LRRC14B: variants seen among roughly 807,000 people sequenced by gnomAD.
The protein encoded by LRRC14B is leucine rich repeat containing 14B, also known as leucine-rich repeat-containing protein 14B.
LRRC14B carries 23 observed loss-of-function variants against 16.9 expected under a neutral mutation model. The ratio of observed to expected loss-of-function variants is 1.36; its 90% CI spans 0.98 to 1.92. The LOEUF is 1.92. Among genes scored for constraint, LRRC14B ranks in the 30% most tolerant of loss-of-function variants. The pLI, the probability that LRRC14B is intolerant of heterozygous loss-of-function variation, is 0.00. For missense variants in LRRC14B, 766 were observed against 705.7 expected (o/e 1.09, Z -0.97); for synonymous variants, 358 against 332.5 (o/e 1.08, Z -0.83).
chr5:193,131 G>A (rs1315583348), intron 1 of LRRC14B, among the ~76,000 whole-genome samples: 1 of 151,740 alleles, frequency 6.6e-6, no homozygotes, highest in Non-Finnish European at 1.5e-5. Flanking sequence ...CTAGCGGTGG[G>A]TCCAAGGGGG....
chr5:192,649 A>T (rs932027785), intron 1 of LRRC14B, among the ~76,000 whole-genome samples: 1 of 152,210 alleles, frequency 6.6e-6, no homozygotes, highest in African/African-American at 2.4e-5. Flanking sequence ...GCCATGTGTG[A>T]CTTAGGGATG....
Position 195,117 on chromosome 5 carries a change from C to T in LRRC14B, c.1309C>T (p.Pro437Ser). Residue 437 changes from proline (P) to serine (S), a missense_variant, in exon 2 of 2, where the codon CCA (proline) becomes TCA (serine). By Grantham distance (74) the Pro-to-Ser change is moderately conservative. Transcript: ENST00000328278. Reference protein sequence around the residue: ...KDCYPEGAAYPQDELAMSKFN... With the variant: ...KDCYPEGAAYSQDELAMSKFN... ...CTGCTACCCCGAGGGTGCCGCCTACCCACAGGACGAGCTGGCCATGTCCAA... is the reference window on the plus strand; with the variant it reads ...CTGCTACCCCGAGGGTGCCGCCTACTCACAGGACGAGCTGGCCATGTCCAA... The T allele has an allele frequency of 6.2e-7, 1 of 1,613,978 alleles. No individual in the cohort carries two copies. Among genetic ancestry groups the T allele is most frequent in the South Asian group, 1.1e-5 (1 of 91,086 alleles).
chr5:192,564 C>T (rs1384836375), intron 1 of LRRC14B, 127 bp downstream of exon 1: 7 of 1,015,976 alleles, frequency 6.9e-6, no homozygotes, highest in Non-Finnish European at 9.2e-6. Flanking sequence ...CCGGGTGTGG[C>T]CACAGCCACA....
In LRRC14B at chr5:195,278, G is replaced by A. The variant is rs1250622338; in HGVS notation, c.1470G>A (p.Glu490=). 6.2e-7 allele frequency: 1 copy of A among 1,611,922 alleles called. No homozygotes were observed. The highest frequency in any genetic ancestry group is 1.1e-5 in the South Asian group (1 of 91,086). Residue 490 remains glutamate, a synonymous_variant, in exon 2 of 2, where the codon GAG becomes GAA. Coordinates refer to ENST00000328278, the MANE Select transcript of LRRC14B (RefSeq NM_001080478.3). ...FDPDIQETSN[E]LGAFLLQAFK... is the part of the protein sequence containing the mutation. ...CAGACATTCAAGAAACAAGCAATGA[G>A]CTTGGTGCTTTCTTGCTGCAAGCTT... is the stretch of plus-strand genomic sequence containing the variant.
chr5:192,896 C>T (rs1733836415), intron 1 of LRRC14B, among the ~76,000 whole-genome samples: 1 of 152,214 alleles, frequency 6.6e-6, no homozygotes, highest in African/African-American at 2.4e-5. Context: ...GGGCGGGATC[C>T]TCCCAGTCTC....
chr5:192,694 A>C (rs1733831926), intron 1 of LRRC14B, among the ~76,000 whole-genome samples: 1 of 152,226 alleles, frequency 6.6e-6, no homozygotes, highest in Non-Finnish European at 1.5e-5. Flanking sequence ...GAGAATACGG[A>C]AATTACCAAA....
In LRRC14B at chr5:192,535, C is replaced by A; in HGVS notation, c.899+98C>A. On this transcript the variant is annotated intron_variant, in intron 1 of 1. Coordinates refer to ENST00000328278, the MANE Select transcript of LRRC14B (RefSeq NM_001080478.3). ...TCATGTCCAAGGCCATGAGGCTACA[C>A]GGCCTCCAGCCTCTCACTCCGGGTG... The A allele has an allele frequency of 2.5e-6, 3 of 1,223,464 alleles. No individual in the cohort carries two copies. In the South Asian group the frequency reaches 6.2e-5, roughly 25 times the overall value. 75.8% of individuals were successfully genotyped at this position (1,223,464 alleles called of 1,614,324 possible). A position where few individuals can be genotyped will look rare whatever the true frequency, so the allele number is the denominator to read the frequency against.
intron 1 of LRRC14B, 30 bp downstream of exon 1, chr5:192,467 G>A (rs1733826294): frequency 3.4e-6 from 5 of 1,481,546 alleles, no homozygotes; most frequent in South Asian, 1.4e-5. Flanking sequence ...CTGAGGGCGG[G>A]CTGGTGGCTG....
intron 1 of LRRC14B, among the ~76,000 whole-genome samples, 171 bp from the exon 2 acceptor site, chr5:194,537 A>G (rs1424402962): frequency 6.6e-6 from 1 of 152,212 alleles, no homozygotes; most frequent in Non-Finnish European, 1.5e-5. Context: ...AAACTATTAT[A>G]TAAATATAAC....
In LRRC14B at chr5:195,136, T is replaced by C. The variant is rs1187259864; in HGVS notation, c.1328T>C (p.Met443Thr). The C allele has an allele frequency of 5.6e-6, 9 of 1,613,858 alleles. No individual in the cohort carries two copies. The Admixed American group carries it at 6.7e-5, about 12-fold the overall frequency. ...GCCTACCCACAGGACGAGCTGGCCA[T>C]GTCCAAGTTCAACCAGCAGAAATAC... ...GAAYPQDELA[M>T]SKFNQQKYDE... is the part of the protein sequence containing the mutation. Residue 443 changes from methionine to threonine, a missense_variant, in exon 2 of 2, where the codon ATG becomes ACG. Physicochemically the swap from Met to Thr is moderately conservative, Grantham distance 81. Transcript: ENST00000328278.
chr5:192,355 C>T lies in LRRC14B; in HGVS notation c.817C>T (p.Arg273Trp), dbSNP rs781723149. 1.2e-5 allele frequency: 19 copies of T among 1,592,298 alleles called. No individual in the cohort carries two copies. The highest frequency in any genetic ancestry group is 2.3e-5 in the East Asian group (1 of 43,636). ...GEDPLLASIA[R>W]ELSKMAQLTE... Reference sequence around the variant, plus strand: ...GGACCCCCTCCTCGCCTCCATCGCCCGGGAGCTCAGCAAGATGGCGCAGCT... The same window carrying T: ...GGACCCCCTCCTCGCCTCCATCGCCTGGGAGCTCAGCAAGATGGCGCAGCT... Residue 273 changes from arginine to tryptophan, a missense_variant, in exon 1 of 2, where the codon CGG becomes TGG. Coordinates refer to ENST00000328278, the MANE Select transcript of LRRC14B (RefSeq NM_001080478.3).
rs1468917822 is a variant in LRRC14B at position 196,051 on chromosome 5, G to T, written c.*698G>T. ...GAGTGGGTGAGCACAGGCGTCCGCT[G>T]AAGAGCCGCCTGGACCAGGGCGGTC... On this transcript the variant is annotated 3_prime_UTR_variant, in exon 2 of 2. Coordinates refer to ENST00000328278, the MANE Select transcript of LRRC14B (RefSeq NM_001080478.3). The T allele has an allele frequency of 6.5e-6, 1 of 152,836 alleles. No individual in the cohort carries two copies. The allele number at this position is 152,836 out of a possible 1,614,324, so 9.5% of individuals were successfully genotyped here. A position where few individuals can be genotyped will look rare whatever the true frequency, so the allele number is the denominator to read the frequency against.
Position 192,270 on chromosome 5 carries a change from C to A in LRRC14B, c.732C>A (p.Leu244=). 6.3e-7 allele frequency: 1 copy of A among 1,595,924 alleles called. No homozygotes were observed. The highest frequency in any genetic ancestry group is 8.5e-7 in the Non-Finnish European group (1 of 1,172,066). The change falls in exon 1 of 2, where the codon CTC becomes CTA. Residue 244 remains leucine (L), a synonymous_variant. Transcript: ENST00000328278. ...AQVGFPRLAS[L]TLPTKAFDAP... ...TGGGCTTCCCCCGGCTGGCCTCGCT[C>A]ACCCTGCCCACCAAGGCCTTTGATG...
Position 195,275 on chromosome 5 carries a change from T to A in LRRC14B, c.1467T>A (p.Asn489Lys). 1 of 1,611,518 alleles carries A rather than the reference T, an allele frequency of 6.2e-7. No individual in the cohort carries two copies. Among genetic ancestry groups the A allele is most frequent in the South Asian group, 1.1e-5 (1 of 91,072 alleles). ...SFDPDIQETS[N>K]ELGAFLLQAF... is the part of the protein sequence containing the mutation. The stretch of plus-strand genomic sequence containing the variant: ...ACCCAGACATTCAAGAAACAAGCAA[T>A]GAGCTTGGTGCTTTCTTGCTGCAAG... Residue 489 changes from asparagine (N) to lysine (K), a missense_variant, in exon 2 of 2, where the codon AAT becomes AAA. Transcript: ENST00000328278.
chr5:193,950 C>T (rs540280510), intron 1 of LRRC14B, among the ~76,000 whole-genome samples: 74 of 152,182 alleles, frequency 4.9e-4, no homozygotes, highest in Non-Finnish European at 6.3e-4. Flanking sequence ...TAGCTCAGAA[C>T]CAGAGTAGGT....
intron 1 of LRRC14B, 58 bp from the exon 2 acceptor site, chr5:194,650 C>T: frequency 6.6e-7 from 1 of 1,506,238 alleles, no homozygotes; most frequent in Non-Finnish European, 8.9e-7. Context: ...TCGCCTGAGC[C>T]CTCGGCTCCT....
At chr5:192,938 G>A (rs1733837182) in intron 1 of LRRC14B, among the ~76,000 whole-genome samples, 1 of 152,210 alleles carries the variant, frequency 6.6e-6, no homozygotes, top group Non-Finnish European at 1.5e-5. Context: ...CATGCTGCAT[G>A]GACCTCCCCA....
Position 192,407 on chromosome 5 carries a change from C to A in LRRC14B, c.869C>A (p.Thr290Lys), listed in dbSNP as rs760159831. 7 of 1,556,202 alleles carry A rather than the reference C, an allele frequency of 4.5e-6. No individual in the cohort carries two copies. The highest frequency in any genetic ancestry group is 6.1e-6 in the Non-Finnish European group (7 of 1,148,778). ...ACTGAGCTCAGTGTGGCCTTCTCCA[C>A]GCTGACCGGGAAGATCCCGACGCTG... is the stretch of plus-strand genomic sequence containing the variant. ...QLTELSVAFSTLTGKIPTLLG... is the reference protein window; with the variant it reads ...QLTELSVAFSKLTGKIPTLLG... Residue 290 changes from threonine (T) to lysine (K), a missense_variant, in exon 1 of 2, where the codon ACG (threonine) becomes AAG (lysine). Transcript: ENST00000328278.
intron 1 of LRRC14B, among the ~76,000 whole-genome samples, chr5:194,268 C>T (rs1313307986): frequency 6.6e-6 from 1 of 151,842 alleles, no homozygotes; most frequent in Non-Finnish European, 1.5e-5. Context: ...TCTCACTGCC[C>T]CACCCCGTCC....
Sources: gnomAD v4.1 joint callset for allele counts (sites outside exome capture counted in the v4.1 genomes callset) on GRCh38, gnomAD v4.1.1 for gene constraint, MANE v1.5 for transcripts, NCBI Gene and HGNC (gene_info 2026-07-23, HGNC 2026-07-21) for gene names.